GAP43: variants seen among roughly 807,000 people sequenced by gnomAD.
The protein encoded by GAP43 is growth associated protein 43, also known as neuromodulin.
In GAP43, 6 loss-of-function variants were observed where a neutral mutation model predicts 18.6. That is an observed-to-expected ratio of 0.32 (90% CI 0.18 to 0.64). The LOEUF (loss-of-function observed/expected upper bound fraction) is 0.64. Among genes scored for constraint, GAP43 ranks in the 30% least tolerant of loss-of-function variants. The pLI, the probability that GAP43 is intolerant of heterozygous loss-of-function variation, is 0.78. For synonymous variants in GAP43, 115 were observed against 111.4 expected (o/e 1.03, Z -0.20); for missense variants, 292 against 295.5 (o/e 0.99, Z 0.09).
At chr3:115,652,286 T>C (rs1298935961) in intron 1 of GAP43, among the ~76,000 whole-genome samples, 1 of 151,830 alleles carries the variant, frequency 6.6e-6, no homozygotes, top group African/African-American at 2.4e-5. Context: ...ACAGTAATTA[T>C]TTTGAGGGAA....
chr3:115,626,752 C>T (rs993986271), intron 1 of GAP43, among the ~76,000 whole-genome samples: 10 of 152,144 alleles, frequency 6.6e-5, no homozygotes, highest in Admixed American at 5.2e-4. Context: ...AGTAGTCCCT[C>T]TACTCCCCAG....
rs150493014 is a variant in GAP43 at position 115,675,355 on chromosome 3, C to T, written c.31-658C>T. On this transcript the variant is annotated intron_variant, in intron 1 of 2. Coordinates refer to ENST00000305124, the MANE Select transcript of GAP43 (RefSeq NM_002045.4). ...AAGGTGCTTGAATTACAAGTGTGAA[C>T]CACTGCACCCAGCTTGTAAATGTGA... is the stretch of plus-strand genomic sequence containing the variant. Among the ~76,000 whole-genome samples the T allele has an allele frequency of 4.5e-3, 688 of 152,246 alleles. 6 individuals carry two copies. Among genetic ancestry groups the T allele is most frequent in the African/African-American group, 0.016 (661 of 41,528 alleles).
intron 2 of GAP43, among the ~76,000 whole-genome samples, chr3:115,708,940 G>GGTTT (rs1488143819): frequency 8.0e-5 from 8 of 99,808 alleles, no homozygotes; most frequent in African/African-American, 3.3e-4. Flanking sequence ...AACTGGCTGG[G>GGTTT]TTTTTTTTTT....
intron 1 of GAP43, among the ~76,000 whole-genome samples, chr3:115,655,950 C>G (rs930370244): frequency 2.0e-4 from 31 of 152,294 alleles, no homozygotes; most frequent in African/African-American, 6.0e-4. Context: ...TAAATTGAGG[C>G]CTGCCACATG....
chr3:115,676,729 A>C, intron 2 of GAP43, 119 bp downstream of exon 2: 1 of 1,093,396 alleles, frequency 9.1e-7, no homozygotes, highest in Non-Finnish European at 1.3e-6. Flanking sequence ...TTTTCCAGAA[A>C]TCAAGGGAAG....
At chr3:115,638,375 A>C (rs1157406979) in intron 1 of GAP43, among the ~76,000 whole-genome samples, 1 of 152,160 alleles carries the variant, frequency 6.6e-6, no homozygotes, top group Non-Finnish European at 1.5e-5. Context: ...TTAGTTTTTA[A>C]AACACATAAA....
At chr3:115,638,046 C>T (rs528339349) in intron 1 of GAP43, among the ~76,000 whole-genome samples, 1 of 152,134 alleles carries the variant, frequency 6.6e-6, no homozygotes, top group South Asian at 2.1e-4. Context: ...TTGACTCTAT[C>T]CACTCCATCT....
At chr3:115,646,724 A>G (rs1458049350) in intron 1 of GAP43, among the ~76,000 whole-genome samples, 1 of 151,992 alleles carries the variant, frequency 6.6e-6, no homozygotes, top group Non-Finnish European at 1.5e-5. Flanking sequence ...TCTTATGGAG[A>G]AGACATAATT....
chr3:115,698,114 T>TTA (rs1559804213), intron 2 of GAP43, among the ~76,000 whole-genome samples: 14 of 26,992 alleles, frequency 5.2e-4, no homozygotes, highest in Admixed American at 1.1e-3. Context: ...ATAAAATATA[T>TTA]AATATATATT....
At chr3:115,631,304 T>C (rs1374117960) in intron 1 of GAP43, among the ~76,000 whole-genome samples, 1 of 152,176 alleles carries the variant, frequency 6.6e-6, no homozygotes, top group Non-Finnish European at 1.5e-5. Flanking sequence ...GCTTGTCATG[T>C]GATGTTGGGT....
At chr3:115,630,544 G>A (rs985669330) in intron 1 of GAP43, among the ~76,000 whole-genome samples, 4 of 152,146 alleles carry the variant, frequency 2.6e-5, no homozygotes, top group Non-Finnish European at 5.9e-5. Flanking sequence ...CTTGCCAGAC[G>A]CTAAGTAGTG....
intron 2 of GAP43, among the ~76,000 whole-genome samples, chr3:115,686,819 G>C (rs1345782152): frequency 6.6e-6 from 1 of 152,134 alleles, no homozygotes. Flanking sequence ...AGATTGATTT[G>C]CAACCATTTA....
intron 1 of GAP43, among the ~76,000 whole-genome samples, chr3:115,668,735 T>C (rs1393890212): frequency 6.6e-6 from 1 of 151,968 alleles, no homozygotes; most frequent in Non-Finnish European, 1.5e-5. Context: ...CTTTCACCAG[T>C]TTTGCTAGTG....
At position 115,650,536 on chromosome 3, in the gene GAP43, C is replaced by G. The variant is rs545390348; in HGVS notation, c.31-25477C>G. On this transcript the variant is annotated intron_variant, in intron 1 of 2. Transcript: ENST00000305124. Reference sequence around the variant, plus strand: ...CCCTCCCATACCATCTCCTATTTCTCTGTTCCTCCTTCTCCCCATTCCCAC... The same window carrying G: ...CCCTCCCATACCATCTCCTATTTCTGTGTTCCTCCTTCTCCCCATTCCCAC... 3.0e-4 allele frequency among the ~76,000 whole-genome samples: 46 copies of G among 152,154 alleles called. 1 individual carries two copies. Among genetic ancestry groups the G allele is most frequent in the African/African-American group, 1.0e-3 (42 of 41,516 alleles).
At chr3:115,679,092 C>A (rs529496847) in intron 2 of GAP43, among the ~76,000 whole-genome samples, 1 of 151,984 alleles carries the variant, frequency 6.6e-6, no homozygotes, top group African/African-American at 2.4e-5. Flanking sequence ...GCATCTTCCA[C>A]TGGGCTGTAC....
At chr3:115,669,924 G>A (rs1050541978) in intron 1 of GAP43, among the ~76,000 whole-genome samples, 1 of 150,072 alleles carries the variant, frequency 6.7e-6, no homozygotes, top group Non-Finnish European at 1.5e-5. Context: ...ACTGCATGTT[G>A]GGGGATCCGG....
chr3:115,690,361 A>G (rs535913711), intron 2 of GAP43, among the ~76,000 whole-genome samples: 2 of 152,254 alleles, frequency 1.3e-5, no homozygotes, highest in South Asian at 4.2e-4. Context: ...TAATCTCACA[A>G]TTTTAAATGT....
At chr3:115,652,668 G>A (rs1171007886) in intron 1 of GAP43, among the ~76,000 whole-genome samples, 3 of 152,096 alleles carry the variant, frequency 2.0e-5, no homozygotes, top group African/African-American at 7.2e-5. Flanking sequence ...CTACAGGCAT[G>A]AGCCTCTGCA....
chr3:115,693,417 G>A (rs1030344862), intron 2 of GAP43, among the ~76,000 whole-genome samples: 5 of 152,044 alleles, frequency 3.3e-5, no homozygotes, highest in Non-Finnish European at 7.4e-5. Flanking sequence ...TGGCTTGGCC[G>A]TCTTGCTAGA....
Sources: allele counts gnomAD v4.1 joint callset (sites outside exome capture counted in the v4.1 genomes callset), GRCh38; gene constraint gnomAD v4.1.1; transcripts MANE v1.5; gene names NCBI Gene and HGNC (gene_info 2026-07-23, HGNC 2026-07-21).